KRAS: variants seen among roughly 807,000 people sequenced by gnomAD.
KRAS encodes the protein GTPase KRas.
In KRAS, 1 loss-of-function variant was observed where a neutral mutation model predicts 21.0. The ratio of observed to expected loss-of-function variants is 0.05; its 90% CI spans 0.02 to 0.23. The LOEUF (loss-of-function observed/expected upper bound fraction) is 0.23. KRAS is among the 10% of genes least tolerant of loss of function. KRAS has a pLI of 1.00. For missense variants in KRAS, 107 were observed against 221.8 expected (o/e 0.48, Z 3.29); for synonymous variants, 67 against 72.5 (o/e 0.92, Z 0.39).
chr12:25,226,993 G>A (rs975783922), intron 3 of KRAS, among the ~76,000 whole-genome samples: 17 of 151,998 alleles, frequency 1.1e-4, no homozygotes, highest in African/African-American at 4.1e-4. Context: ...AGAAGGCTGT[G>A]GAGTCAAACA....
chr12:25,220,737 A>G (rs755961178), intron 4 of KRAS, among the ~76,000 whole-genome samples: 59 of 142,362 alleles, frequency 4.1e-4, no homozygotes, highest in Non-Finnish European at 6.4e-4. Flanking sequence ...AAAAAAAAAT[A>G]CTAGAGACCA....
At chr12:25,234,043 A>G (rs1951512234) in intron 2 of KRAS, 1 of 186,294 alleles carries the variant, frequency 5.4e-6, no homozygotes, top group East Asian at 8.7e-5. Context: ...AATTTGTTTT[A>G]AAATCTATGT....
Position 25,215,510 on chromosome 12 carries a change from T to C in KRAS, c.451-5599A>G, listed in dbSNP as rs1951244544. The stretch of plus-strand genomic sequence containing the variant: ...TTTCTTCTTTGCTGATTTTTTTCAA[T>C]CTGTATTGTCGGATCTCTCTCACCA... On this transcript the variant is annotated intron_variant, in intron 4 of 4. Coordinates refer to ENST00000311936, the MANE Select transcript of KRAS (RefSeq NM_004985.5). 5.0e-6 allele frequency: 8 copies of C among 1,612,134 alleles called. No homozygotes were observed. In the South Asian group the frequency reaches 8.8e-5, roughly 18 times the overall value.
chr12:25,212,764 A>G (rs1294396422), intron 4 of KRAS, among the ~76,000 whole-genome samples: 1 of 152,030 alleles, frequency 6.6e-6, no homozygotes, highest in East Asian at 1.9e-4. Context: ...TTATGTATTT[A>G]TTTCCTAAAG....
intron 4 of KRAS, 34 bp downstream of exon 4, chr12:25,225,580 A>G (rs1951382258): frequency 6.2e-7 from 1 of 1,605,440 alleles, no homozygotes; most frequent in Non-Finnish European, 8.5e-7. Flanking sequence ...GATTTTGCAG[A>G]AAACAGATCT....
At chr12:25,248,730 C>T (rs73081232) in intron 1 of KRAS, among the ~76,000 whole-genome samples, 1,884 of 152,058 alleles carry the variant, frequency 0.012, 37 homozygotes, top group South Asian at 0.082. Flanking sequence ...GGATCCCTCA[C>T]CGAGAGTTAG....
intron 4 of KRAS, among the ~76,000 whole-genome samples, chr12:25,213,841 C>T (rs1252578157): frequency 1.3e-5 from 2 of 152,128 alleles, no homozygotes; most frequent in Non-Finnish European, 1.5e-5. Context: ...ATTTTCTGAG[C>T]AAGACAGAGT....
intron 2 of KRAS, among the ~76,000 whole-genome samples, chr12:25,229,226 T>C (rs1359091513): frequency 1.3e-5 from 2 of 152,172 alleles, no homozygotes; most frequent in African/African-American, 2.4e-5. Context: ...ATTTCAAAAA[T>C]GGGATAGCTC....
chr12:25,208,177 AAAC>A lies in KRAS; in HGVS notation c.*1615_*1617del, dbSNP rs1211239457. The A allele has an allele frequency of 1.1e-4, 26 of 233,050 alleles. No individual in the cohort carries two copies. Among genetic ancestry groups the A allele is most frequent in the Non-Finnish European group, 1.9e-4 (22 of 117,776 alleles). 14.4% of individuals were successfully genotyped at this position (233,050 alleles called of 1,614,324 possible). On this transcript the variant is annotated 3_prime_UTR_variant, in exon 5 of 5. Transcript: ENST00000311936. Reference sequence around the variant, plus strand: ...TAAATTACATAGTTGTAAAAAAAAAAAACTAAGAGTTTGAGATGACTTCTTTTA... The same window carrying A: ...TAAATTACATAGTTGTAAAAAAAAAATAAGAGTTTGAGATGACTTCTTTTA...
At chr12:25,212,675 T>G (rs1429819979) in intron 4 of KRAS, among the ~76,000 whole-genome samples, 1 of 152,170 alleles carries the variant, frequency 6.6e-6, no homozygotes, top group East Asian at 1.9e-4. Flanking sequence ...CTAATCATTC[T>G]CACACATACA....
rs1178860640 is a variant in KRAS at position 25,239,166 on chromosome 12, TTTC to T, written c.111+6105_111+6107del. On this transcript the variant is annotated intron_variant, in intron 2 of 4. Transcript: ENST00000311936. ...TTATATGTTCATGTTATTTATTTTA[TTTC>T]TTTTTTGGTAGACAAGCTATTTATA... 5.9e-5 allele frequency among the ~76,000 whole-genome samples: 9 copies of T among 152,360 alleles called. No individual in the cohort carries two copies. The East Asian group carries it at 1.7e-3, about 29-fold the overall frequency.
Position 25,209,701 on chromosome 12 carries a change from T to G in KRAS, c.*94A>C. On this transcript the variant is annotated 3_prime_UTR_variant, in exon 5 of 5. Transcript: ENST00000311936. Reference sequence around the variant, plus strand: ...AGTCTGCATGGAGCAGGAAAAAAATTAGGTAATGCTAAAACAAATGCTAAT... The same window carrying G: ...AGTCTGCATGGAGCAGGAAAAAAATGAGGTAATGCTAAAACAAATGCTAAT... 1 of 1,519,298 alleles carries G rather than the reference T, an allele frequency of 6.6e-7. No homozygotes were observed. The highest frequency in any genetic ancestry group is 2.3e-5 in the East Asian group (1 of 42,906). The allele number at this position is 1,519,298 out of a possible 1,614,324, so 94.1% of individuals were successfully genotyped here. A position where few individuals can be genotyped will look rare whatever the true frequency, so the allele number is the denominator to read the frequency against.
At chr12:25,232,092 A>C (rs766633997) in intron 2 of KRAS, among the ~76,000 whole-genome samples, 1 of 152,138 alleles carries the variant, frequency 6.6e-6, no homozygotes, top group Non-Finnish European at 1.5e-5. Flanking sequence ...TGGGAAAAAA[A>C]CGTGTATCAC....
chr12:25,224,321 G>A (rs1951363527), intron 4 of KRAS, among the ~76,000 whole-genome samples: 1 of 151,992 alleles, frequency 6.6e-6, no homozygotes, highest in African/African-American at 2.4e-5. Flanking sequence ...AGATCTTCCA[G>A]TGGGACAAGA....
intron 1 of KRAS, among the ~76,000 whole-genome samples, chr12:25,249,994 G>C (rs1951743788): frequency 6.6e-6 from 1 of 152,124 alleles, no homozygotes; most frequent in South Asian, 2.1e-4. Context: ...TAGGGTGTTG[G>C]CCACCTGTTC....
intron 4 of KRAS, among the ~76,000 whole-genome samples, chr12:25,218,857 C>T (rs1185640032): frequency 6.6e-6 from 1 of 152,008 alleles, no homozygotes; most frequent in African/African-American, 2.4e-5. Flanking sequence ...TTAACTAGCA[C>T]ACAATAATTT....
chr12:25,243,806 T>G (rs1479857471), intron 2 of KRAS, among the ~76,000 whole-genome samples: 1 of 152,202 alleles, frequency 6.6e-6, no homozygotes, highest in East Asian at 1.9e-4. Context: ...GGGTGCACTA[T>G]TCAAACCTCT....
At chr12:25,220,165 A>G (rs1402269141) in intron 4 of KRAS, among the ~76,000 whole-genome samples, 1 of 152,168 alleles carries the variant, frequency 6.6e-6, no homozygotes, top group Non-Finnish European at 1.5e-5. Context: ...TTCAATTTTG[A>G]CAGCTTTTGC....
intron 2 of KRAS, among the ~76,000 whole-genome samples, chr12:25,239,792 A>C (rs866475826): frequency 6.6e-6 from 1 of 152,218 alleles, no homozygotes; most frequent in South Asian, 2.1e-4. Context: ...GTCTCTACTA[A>C]AAATACAAAA....
Sources: allele counts gnomAD v4.1 joint callset (sites outside exome capture counted in the v4.1 genomes callset), GRCh38; gene constraint gnomAD v4.1.1; transcripts MANE v1.5; gene names NCBI Gene and HGNC (gene_info 2026-07-23, HGNC 2026-07-21).